The following AKR1E2 variants were observed in gnomAD, a reference collection of about 807,000 sequenced individuals.
AKR1E2 encodes 1,5-anhydro-D-fructose reductase.
Under a neutral mutation model 41.9 loss-of-function variants are expected in AKR1E2, and 43 were observed. The ratio of observed to expected loss-of-function variants is 1.03; its 90% CI spans 0.80 to 1.32. The LOEUF is 1.32. AKR1E2 is among the 40% of genes most tolerant of loss of function. The probability of loss-of-function intolerance (pLI) is 0.00; values close to 1 mark genes in which losing one functional copy is unlikely to be tolerated. For synonymous variants in AKR1E2, 121 were observed against 138.9 expected (o/e 0.87, Z 0.91); for missense variants, 423 against 396.5 (o/e 1.07, Z -0.57).
downstream of AKR1E2, chr10:4,848,086 T>TTTG (rs1834452557): frequency 6.6e-6 from 1 of 150,806 alleles, no homozygotes; most frequent in South Asian, 2.1e-4. Context: ...TTCTTTTTTT[T>TTTG]TTTTTTTTTG....
At chr10:4,825,091 C>T (rs1038927007), upstream of AKR1E2, 15 of 445,606 alleles carry the variant, frequency 3.4e-5, no homozygotes, top group African/African-American at 2.8e-4. Context: ...ATCGAAGATC[C>T]CCCTTCCCAC....
chr10:4,853,695 C>G, the AKR1E2 span, among the ~76,000 whole-genome samples: 2 of 149,460 alleles, frequency 1.3e-5, no homozygotes, highest in Non-Finnish European at 3.0e-5. Context: ...GCATTTAAAT[C>G]AGAGCAACTC....
chr10:4,845,651 C>A (rs2131571012), intron 8 of AKR1E2: 1 of 450,680 alleles, frequency 2.2e-6, no homozygotes, highest in South Asian at 1.6e-5. Context: ...TGGCAGGGGG[C>A]CACATCGCCC....
At chr10:4,867,024 A>G in the AKR1E2 span, among the ~76,000 whole-genome samples, 1 of 152,148 alleles carries the variant, frequency 6.6e-6, no homozygotes, top group South Asian at 2.1e-4. Flanking sequence ...CTTGTGGCTA[A>G]TGTTAATCCT....
intron 3 of AKR1E2, 87 bp from the exon 4 acceptor site, chr10:4,835,588 G>C (rs565376915): frequency 2.6e-4 from 384 of 1,490,686 alleles, no homozygotes; most frequent in Non-Finnish European, 3.0e-4. Context: ...TGACAGGGCT[G>C]TGGCTTGGAT....
At chr10:4,859,710 C>CTTT in the AKR1E2 span, among the ~76,000 whole-genome samples, 1 of 152,202 alleles carries the variant, frequency 6.6e-6, no homozygotes, top group Non-Finnish European at 1.5e-5. Flanking sequence ...TCAGATCTCT[C>CTTT]TTTAGATATC....
intron 2 of AKR1E2, among the ~76,000 whole-genome samples, chr10:4,832,154 G>A (rs1169657394): frequency 1.3e-5 from 2 of 152,130 alleles, no homozygotes; most frequent in Non-Finnish European, 2.9e-5. Flanking sequence ...TGGGTTCATG[G>A]TCTAGCTGCC....
chr10:4,861,280 A>G, the AKR1E2 span, among the ~76,000 whole-genome samples: 1 of 152,190 alleles, frequency 6.6e-6, no homozygotes, highest in Non-Finnish European at 1.5e-5. Context: ...TTAATTAAAA[A>G]AACTCTAAAA....
In AKR1E2 at chr10:4,833,478, T is replaced by G; in HGVS notation, c.324+12T>G. 6.2e-7 allele frequency: 1 copy of G among 1,606,066 alleles called. No homozygotes were observed. The highest frequency in any genetic ancestry group is 8.5e-7 in the Non-Finnish European group (1 of 1,172,642). On this transcript the variant is annotated intron_variant, in intron 3 of 9. Coordinates refer to ENST00000298375, the MANE Select transcript of AKR1E2 (RefSeq NM_001040177.3). ...CCATGGGTTTCAAGGTACCGTTCAGTAGGTAGTTCGTTCTGCAGTTTGCAG... is the reference window on the plus strand; with the variant it reads ...CCATGGGTTTCAAGGTACCGTTCAGGAGGTAGTTCGTTCTGCAGTTTGCAG...
At chr10:4,853,627 T>C in the AKR1E2 span, among the ~76,000 whole-genome samples, 2 of 152,148 alleles carry the variant, frequency 1.3e-5, no homozygotes, top group Non-Finnish European at 1.5e-5. Flanking sequence ...ATAAGTGAGA[T>C]AGACTTTGGT....
downstream of AKR1E2, among the ~76,000 whole-genome samples, chr10:4,851,219 T>C (rs192800781): frequency 2.0e-5 from 3 of 152,374 alleles, no homozygotes; most frequent in African/African-American, 4.8e-5. Flanking sequence ...TTTCTTGTTA[T>C]GCAGCATATT....
At chr10:4,832,958 T>G (rs17133691) in intron 2 of AKR1E2, among the ~76,000 whole-genome samples, 1 of 152,226 alleles carries the variant, frequency 6.6e-6, no homozygotes, top group Non-Finnish European at 1.5e-5. Flanking sequence ...AACAGAGAAC[T>G]CTTAATACGG....
chr10:4,850,860 T>TA (rs1248997137), downstream of AKR1E2, among the ~76,000 whole-genome samples: 3 of 152,256 alleles, frequency 2.0e-5, no homozygotes, highest in African/African-American at 7.2e-5. Context: ...TAATCAATGA[T>TA]AAAATTCGCA....
intron 2 of AKR1E2, among the ~76,000 whole-genome samples, chr10:4,832,967 G>A (rs901632218): frequency 6.6e-5 from 10 of 152,302 alleles, no homozygotes; most frequent in African/African-American, 2.2e-4. Flanking sequence ...CTCTTAATAC[G>A]GAGTCTGTGT....
intron 4 of AKR1E2, 25 bp from the exon 5 acceptor site, chr10:4,837,434 A>C (rs1833515949): frequency 6.2e-7 from 1 of 1,611,842 alleles, no homozygotes; most frequent in Non-Finnish European, 8.5e-7. Context: ...GAAGCTTCAC[A>C]CCCAGCAGAG....
chr10:4,866,931 T>C, the AKR1E2 span, among the ~76,000 whole-genome samples: 1 of 152,112 alleles, frequency 6.6e-6, no homozygotes, highest in Non-Finnish European at 1.5e-5. Flanking sequence ...ATCTGCAAAA[T>C]ACCCAGGCAC....
chr10:4,873,183 T>G, the AKR1E2 span, among the ~76,000 whole-genome samples: 1 of 152,148 alleles, frequency 6.6e-6, no homozygotes, highest in East Asian at 1.9e-4. Context: ...CGAGATCTGA[T>G]GGTTTTAACA....
In AKR1E2 at chr10:4,830,756, C is replaced by T. The variant is rs766793418; in HGVS notation, c.121C>T (p.His41Tyr). 2.5e-6 allele frequency: 4 copies of T among 1,614,030 alleles called. No homozygotes were observed. In the East Asian group the frequency reaches 8.9e-5, roughly 36 times the overall value. The change falls in exon 2 of 10, where the codon CAC (histidine) becomes TAC (tyrosine). Residue 41 changes from histidine to tyrosine, a missense_variant. Transcript: ENST00000298375. The stretch of plus-strand genomic sequence containing the variant: ...GCACTTCGACTGTGCTTACTTTTAC[C>T]ACAATGAGAGGGAGGTTGGAGCAGG... ...YRHFDCAYFY[H>Y]NEREVGAGIR... is the part of the protein sequence containing the mutation.
chr10:4,858,860 G>A, the AKR1E2 span, among the ~76,000 whole-genome samples: 1 of 115,092 alleles, frequency 8.7e-6, no homozygotes, highest in Admixed American at 1.1e-4. Flanking sequence ...GTCTCACTTT[G>A]TCACCCAGGC....
Sources: gnomAD v4.1 joint callset for allele counts (sites outside exome capture counted in the v4.1 genomes callset) on GRCh38, gnomAD v4.1.1 for gene constraint, MANE v1.5 for transcripts, NCBI Gene and HGNC (gene_info 2026-07-23, HGNC 2026-07-21) for gene names.